WDHD1: variants seen among roughly 807,000 people sequenced by gnomAD.
WDHD1 encodes WD repeat and HMG-box DNA binding protein 1, also known as WD repeat and HMG-box DNA-binding protein 1.
Under a neutral mutation model 135.4 loss-of-function variants are expected in WDHD1, and 111 were observed. That is an observed-to-expected ratio of 0.82 (90% confidence interval 0.70 to 0.96). The LOEUF is 0.96. WDHD1 is among the 40% of genes least tolerant of loss of function. The pLI is 0.00. For synonymous variants in WDHD1, 434 were observed against 439.0 expected, an observed-to-expected ratio of 0.99 and a Z score of 0.14; for missense variants, 1,351 against 1,336.3, an observed-to-expected ratio of 1.01 and a Z score of -0.17.
chr14:54,977,691 G>A (rs1285509034), intron 16 of WDHD1, among the ~76,000 whole-genome samples: 1 of 151,954 alleles, frequency 6.6e-6, no homozygotes, highest in East Asian at 1.9e-4. Flanking sequence ...AAATAAAAAG[G>A]GCTCTTATAT....
intron 16 of WDHD1, among the ~76,000 whole-genome samples, chr14:54,976,017 G>A (rs1272478634): frequency 2.0e-5 from 3 of 152,072 alleles, no homozygotes; most frequent in Non-Finnish European, 2.9e-5. Flanking sequence ...GTACACTGTG[G>A]TTTTAGAGAT....
intron 2 of WDHD1, among the ~76,000 whole-genome samples, chr14:55,017,345 CT>C (rs915692103): frequency 4.2e-5 from 6 of 144,114 alleles, no homozygotes; most frequent in African/African-American, 1.5e-4. Flanking sequence ...AATCAATATT[CT>C]TTTTTTTTCT....
rs368758306 is a variant in WDHD1 at position 55,000,676 on chromosome 14, T to C, written c.801-32A>G. The stretch of plus-strand genomic sequence containing the variant: ...ATTAAAAAGTAGGTTCTAAAAATAC[T>C]GTCAAGAAAAATATAAATTGTACAT... On this transcript the variant is annotated intron_variant, in intron 9 of 25. Transcript: ENST00000360586. 11 of 1,476,112 alleles carry C rather than the reference T, an allele frequency of 7.5e-6. No individual in the cohort carries two copies. In the South Asian group the frequency reaches 1.2e-4, roughly 17 times the overall value. 91.4% of individuals were successfully genotyped at this position (1,476,112 alleles called of 1,614,324 possible). A position where few individuals can be genotyped will look rare whatever the true frequency, so the allele number is the denominator to read the frequency against.
chr14:54,986,453 CCACCACACCA>C (rs369094073), intron 14 of WDHD1, among the ~76,000 whole-genome samples: 1 of 152,088 alleles, frequency 6.6e-6, no homozygotes, highest in Admixed American at 6.5e-5. Flanking sequence ...CAGGTGTGAG[CCACCACACCA>C]CACCACACCA....
At chr14:54,964,844 G>T (rs1343772219) in intron 18 of WDHD1, among the ~76,000 whole-genome samples, 1 of 152,100 alleles carries the variant, frequency 6.6e-6, no homozygotes, top group Non-Finnish European at 1.5e-5. Context: ...ACAGGGAAAA[G>T]CTCCTCTAGG....
intron 24 of WDHD1, among the ~76,000 whole-genome samples, chr14:54,950,244 G>A (rs930344654): frequency 1.2e-4 from 19 of 152,144 alleles, no homozygotes; most frequent in Non-Finnish European, 2.1e-4. Context: ...GTATTCAGGA[G>A]ACCCATGTCA....
At chr14:54,995,290 T>C (rs1266548891) in intron 11 of WDHD1, among the ~76,000 whole-genome samples, 17 of 152,170 alleles carry the variant, frequency 1.1e-4, no homozygotes, top group Admixed American at 1.1e-3. Flanking sequence ...CTTATTGATC[T>C]TGTCAAAGAA....
At chr14:54,994,756 G>T (rs1316077522) in intron 11 of WDHD1, among the ~76,000 whole-genome samples, 1 of 137,196 alleles carries the variant, frequency 7.3e-6, no homozygotes, top group Non-Finnish European at 1.6e-5. Context: ...GTGAGACTCC[G>T]CCTCAAAAAA....
chr14:54,965,665 T>C (rs1324869041), intron 18 of WDHD1, among the ~76,000 whole-genome samples: 5 of 152,106 alleles, frequency 3.3e-5, no homozygotes, highest in African/African-American at 1.2e-4. Flanking sequence ...TACTGTTTTA[T>C]TTATTTTAGG....
chr14:54,957,315 T>C (rs2041177068), intron 22 of WDHD1, 111 bp from the exon 23 acceptor site: 2 of 1,146,090 alleles, frequency 1.7e-6, no homozygotes, highest in Non-Finnish European at 1.2e-6. Context: ...ATCTCATCTT[T>C]AGAACTAAAT....
intron 17 of WDHD1, 123 bp downstream of exon 17, chr14:54,967,157 C>A (rs997770688): frequency 3.0e-5 from 23 of 777,086 alleles, no homozygotes; most frequent in Non-Finnish European, 4.7e-5. Context: ...TCCCTGCTAC[C>A]CCTATTTATG....
intron 8 of WDHD1, 147 bp from the exon 9 acceptor site, chr14:55,001,139 A>G (rs571737191): frequency 2.3e-6 from 1 of 443,314 alleles, no homozygotes; most frequent in East Asian, 3.7e-5. Context: ...TCCCTGTTCT[A>G]TATTATTTCT....
intron 14 of WDHD1, 76 bp from the exon 15 acceptor site, chr14:54,984,936 A>C (rs2041673993): frequency 6.4e-7 from 1 of 1,562,574 alleles, no homozygotes; most frequent in East Asian, 2.3e-5. Flanking sequence ...ATTTTCTGTG[A>C]ATTGATTTTG....
intron 15 of WDHD1, among the ~76,000 whole-genome samples, chr14:54,983,504 C>T (rs1010924006): frequency 1.3e-5 from 2 of 151,960 alleles, no homozygotes; most frequent in Non-Finnish European, 2.9e-5. Context: ...AAAACCCTGT[C>T]TCTATTAAAA....
intron 7 of WDHD1, chr14:55,005,729 ACAT>A: frequency 2.3e-6 from 1 of 440,032 alleles, no homozygotes; most frequent in Non-Finnish European, 4.2e-6. Context: ...ATCCAGAACA[ACAT>A]CATAAGGATC....
At chr14:55,014,935 G>C (rs911171461) in intron 2 of WDHD1, among the ~76,000 whole-genome samples, 4 of 152,084 alleles carry the variant, frequency 2.6e-5, no homozygotes, top group African/African-American at 4.8e-5. Context: ...AGTTAATACA[G>C]CATGGGGGAG....
intron 2 of WDHD1, among the ~76,000 whole-genome samples, chr14:55,018,950 G>A (rs1347202056): frequency 6.6e-6 from 1 of 152,172 alleles, no homozygotes. Flanking sequence ...TTGAACCTGG[G>A]AGGCAGAGGT....
chr14:54,987,578 C>T (rs189011795), intron 13 of WDHD1, among the ~76,000 whole-genome samples, 191 bp from the exon 14 acceptor site: 46 of 152,116 alleles, frequency 3.0e-4, no homozygotes, highest in African/African-American at 1.1e-3. Context: ...ATCTTTCCAG[C>T]CTTTTTTCTT....
intron 13 of WDHD1, 41 bp from the exon 14 acceptor site, chr14:54,987,428 T>C: frequency 1.3e-6 from 2 of 1,548,708 alleles, no homozygotes; most frequent in Non-Finnish European, 1.8e-6. Context: ...AACTTTCATA[T>C]GATATTTACA....
Sources: allele counts gnomAD v4.1 joint callset (sites outside exome capture counted in the v4.1 genomes callset), GRCh38; gene constraint gnomAD v4.1.1; transcripts MANE v1.5; gene names NCBI Gene and HGNC (gene_info 2026-07-23, HGNC 2026-07-21).